Variants in NOX3 observed in about 807,000 individuals in gnomAD.
The protein encoded by NOX3 is NADPH oxidase 3.
A neutral mutation model predicts 76.7 loss-of-function variants in NOX3; 74 were observed. The ratio of observed to expected loss-of-function variants is 0.96; its 90% CI spans 0.80 to 1.17. The LOEUF (loss-of-function observed/expected upper bound fraction) is 1.17. NOX3 is among the 50% of genes most tolerant of loss of function. NOX3 has a pLI of 0.00. For missense variants in NOX3, 695 were observed against 703.3 expected (o/e 0.99, Z 0.13); for synonymous variants, 263 against 261.1 (o/e 1.01, Z -0.07).
chr6:155,405,661 G>A (rs1276864505), intron 12 of NOX3, among the ~76,000 whole-genome samples: 1 of 152,100 alleles, frequency 6.6e-6, no homozygotes, highest in African/African-American at 2.4e-5. Flanking sequence ...ATGGTAAGTG[G>A]GGATTCCACT....
At chr6:155,412,785 T>C (rs1355985028) in intron 10 of NOX3, among the ~76,000 whole-genome samples, 1 of 152,178 alleles carries the variant, frequency 6.6e-6, no homozygotes, top group African/African-American at 2.4e-5. Context: ...CAAATATGTA[T>C]TGAGTGCTTC....
chr6:155,401,731 G>A (rs189072586), intron 12 of NOX3, among the ~76,000 whole-genome samples: 1 of 150,332 alleles, frequency 6.7e-6, no homozygotes, highest in Non-Finnish European at 1.5e-5. Context: ...TCTAACAAAT[G>A]GTAGTACTCT....
At chr6:155,429,497 C>T (rs184541564) in intron 8 of NOX3, among the ~76,000 whole-genome samples, 16 of 152,306 alleles carry the variant, frequency 1.1e-4, no homozygotes, top group Admixed American at 9.8e-4. Flanking sequence ...TGTGAATTAA[C>T]CCTCTTATTT....
intron 10 of NOX3, among the ~76,000 whole-genome samples, chr6:155,415,762 G>T (rs926433925): frequency 2.0e-5 from 3 of 151,862 alleles, no homozygotes; most frequent in African/African-American, 7.3e-5. Flanking sequence ...GTTATTGTGA[G>T]GATGAAAGGA....
chr6:155,409,301 T>C (rs1425175097), intron 11 of NOX3, among the ~76,000 whole-genome samples: 1 of 152,078 alleles, frequency 6.6e-6, no homozygotes, highest in Non-Finnish European at 1.5e-5. Flanking sequence ...GTGCACAGTG[T>C]GATGGGTGAA....
At chr6:155,428,492 G>A (rs1223678905) in intron 9 of NOX3, among the ~76,000 whole-genome samples, 2 of 152,102 alleles carry the variant, frequency 1.3e-5, no homozygotes, top group Non-Finnish European at 2.9e-5. Flanking sequence ...ACTCATTGCA[G>A]GCTGCATAGA....
chr6:155,445,872 A>ATATATATATATGCTATATATATATAT (rs1777052820), intron 4 of NOX3, among the ~76,000 whole-genome samples: 10 of 15,656 alleles, frequency 6.4e-4, no homozygotes, highest in African/African-American at 1.6e-3. Flanking sequence ...ACATATACAT[A>ATATATATATATGCTATATATATATAT]TATATATATA....
intron 10 of NOX3, among the ~76,000 whole-genome samples, chr6:155,412,805 C>A (rs1358362878): frequency 6.6e-6 from 1 of 152,270 alleles, no homozygotes; most frequent in African/African-American, 2.4e-5. Context: ...CCTACCTGTC[C>A]AGACTCTTCT....
chr6:155,443,515 C>T (rs912900436), intron 4 of NOX3, 97 bp from the exon 5 acceptor site: 3 of 1,418,418 alleles, frequency 2.1e-6, no homozygotes, highest in Admixed American at 4.7e-5. Flanking sequence ...TTTCTCTGTT[C>T]TGGTTTTTGT....
chr6:155,455,796 A>G lies in NOX3; in HGVS notation c.5T>C (p.Met2Thr), dbSNP rs757032368. Residue 2 changes from methionine to threonine, a missense_variant, in exon 1 of 14, where the codon ATG (methionine) becomes ACG (threonine). Transcript: ENST00000159060. ...ACCCTCATTCAAAATCCAGCACCCC[A>G]TCATGATACTTGTTGCTCTTCGGCT... MMGCWILNEGLS... is the reference protein window; with the variant it reads MTGCWILNEGLS... The G allele has an allele frequency of 2.5e-6, 4 of 1,613,906 alleles. No individual in the cohort carries two copies. The highest frequency in any genetic ancestry group is 4.5e-5 in the East Asian group (2 of 44,868).
intron 10 of NOX3, among the ~76,000 whole-genome samples, chr6:155,414,475 G>A (rs780819267): frequency 1.3e-5 from 2 of 152,066 alleles, no homozygotes; most frequent in Non-Finnish European, 2.9e-5. Context: ...TGATCTCAGA[G>A]ACCAAAAATA....
intron 4 of NOX3, among the ~76,000 whole-genome samples, chr6:155,448,658 A>C (rs1777095627): frequency 6.6e-6 from 1 of 151,934 alleles, no homozygotes; most frequent in African/African-American, 2.4e-5. Flanking sequence ...AAAAAAAAAA[A>C]AAATCATAAA....
At chr6:155,419,868 T>A (rs181666646) in intron 10 of NOX3, among the ~76,000 whole-genome samples, 68 of 151,112 alleles carry the variant, frequency 4.5e-4, no homozygotes, top group African/African-American at 8.9e-4. Flanking sequence ...CATTGAAGAA[T>A]TTTTTTGGTT....
rs1219036939 is a variant in NOX3, at chr6:155,411,226, C to A, written c.1443G>T (p.Trp481Cys). 6.2e-7 allele frequency: 1 copy of A among 1,613,468 alleles called. No individual in the cohort carries two copies. The highest frequency in any genetic ancestry group is 2.2e-5 in the East Asian group (1 of 44,858). The change falls in exon 11 of 14, where the codon TGG becomes TGT. Residue 481 changes from tryptophan (W) to cysteine (C), a missense_variant. Coordinates refer to ENST00000159060, the MANE Select transcript of NOX3 (RefSeq NM_015718.3). ...FLSYHIFLTG[W>C]DENQALHIAL... ...GTCTTATCAGTACCTGATTTTCATC[C>A]CAGCCGGTAAGAAATATATGATAAC... is the stretch of plus-strand genomic sequence containing the variant.
In NOX3 at chr6:155,443,383, G is replaced by T; in HGVS notation, c.376C>A (p.Arg126Ser). The T allele has an allele frequency of 1.2e-6, 2 of 1,613,950 alleles. No homozygotes were observed. Among genetic ancestry groups the T allele is most frequent in the Non-Finnish European group, 1.7e-6 (2 of 1,179,912 alleles). ...HIVAHFFNLE[R>S]YHWSQSEEAQ... Reference sequence around the variant, plus strand: ...TCCTCGGACTGGCTCCAGTGGTAGCGTTCCAGGTTGAAGAAATGCGCCACG... The same window carrying T: ...TCCTCGGACTGGCTCCAGTGGTAGCTTTCCAGGTTGAAGAAATGCGCCACG... The change falls in exon 5 of 14, where the codon CGC (arginine) becomes AGC (serine). Residue 126 changes from arginine to serine, a missense_variant. Physicochemically the swap from Arg to Ser is moderately radical, Grantham distance 110. Transcript: ENST00000159060.
intron 7 of NOX3, among the ~76,000 whole-genome samples, chr6:155,432,919 A>G (rs568305899): frequency 6.6e-6 from 1 of 152,336 alleles, no homozygotes; most frequent in African/African-American, 2.4e-5. Context: ...TTATGCTTGA[A>G]TGAACCAGAA....
chr6:155,418,138 T>C (rs781741814), intron 10 of NOX3, among the ~76,000 whole-genome samples: 7 of 152,220 alleles, frequency 4.6e-5, no homozygotes, highest in Admixed American at 2.0e-4. Flanking sequence ...AATCTATTTA[T>C]GTCAGCAATC....
chr6:155,405,474 C>G (rs1776437525), intron 12 of NOX3, among the ~76,000 whole-genome samples: 1 of 152,168 alleles, frequency 6.6e-6, no homozygotes. Context: ...CCAAACAGTC[C>G]ATGTGCTCAC....
chr6:155,415,559 A>ATATAGTG (rs1404155481), intron 10 of NOX3, among the ~76,000 whole-genome samples: 3 of 152,200 alleles, frequency 2.0e-5, no homozygotes, highest in African/African-American at 7.2e-5. Context: ...CAGGTTTAGG[A>ATATAGTG]TATAGTGTAG....
Sources: allele counts gnomAD v4.1 joint callset (sites outside exome capture counted in the v4.1 genomes callset), GRCh38; gene constraint gnomAD v4.1.1; transcripts MANE v1.5; gene names NCBI Gene and HGNC (gene_info 2026-07-23, HGNC 2026-07-21).